TENM3: variants seen among roughly 807,000 people sequenced by gnomAD.
TENM3 encodes the protein teneurin transmembrane protein 3.
Under a neutral mutation model 255.1 loss-of-function variants are expected in TENM3, and 63 were observed. That is an observed-to-expected ratio of 0.25 (90% CI 0.20 to 0.30). The LOEUF (loss-of-function observed/expected upper bound fraction) is 0.30, where lower values mean the gene tolerates loss of function less well. TENM3 is among the 10% of genes least tolerant of loss of function. TENM3 has a pLI of 1.00. For synonymous variants in TENM3, 1,306 were observed against 1,322.3 expected (o/e 0.99, Z 0.27); for missense variants, 2,929 against 3,461.1 (o/e 0.85, Z 3.86).
chr4:182,244,179 T>A (rs1757495554), intron 1 of TENM3, among the ~76,000 whole-genome samples: 1 of 151,798 alleles, frequency 6.6e-6, no homozygotes, highest in Admixed American at 6.6e-5. Flanking sequence ...GGTCTCGATC[T>A]CCTGACCTCG....
chr4:182,179,371 A>C (rs567772038), intron 1 of TENM3, among the ~76,000 whole-genome samples: 1 of 152,318 alleles, frequency 6.6e-6, no homozygotes, highest in African/African-American at 2.4e-5. Context: ...TCAGCAGTGC[A>C]TGGTCTTGTT....
chr4:181,460,328 C>T, the TENM3 span, among the ~76,000 whole-genome samples: 421 of 151,916 alleles, frequency 2.8e-3, 2 homozygotes, highest in African/African-American at 9.2e-3. Context: ...AGAAAATAGA[C>T]GACCTGCCTT....
At position 182,566,442 on chromosome 4, in the gene TENM3, G is replaced by GACTAA. The variant is rs527494193; in HGVS notation, c.512-34479_512-34475dup. ...AACCTGGCATAACCCACAGCCTAGGGACTAAACAAAACTAAACTAATGCCT... is the reference window on the plus strand; with the variant it reads ...AACCTGGCATAACCCACAGCCTAGGGACTAAACTAAACAAAACTAAACTAATGCCT... On this transcript the variant is annotated intron_variant, in intron 3 of 27. Transcript: ENST00000511685. 5.3e-5 allele frequency among the ~76,000 whole-genome samples: 8 copies of GACTAA among 152,256 alleles called. No homozygotes were observed. The South Asian group carries it at 1.5e-3, about 28-fold the overall frequency.
chr4:182,669,977 A>T (rs1755062738), intron 6 of TENM3, among the ~76,000 whole-genome samples: 1 of 152,174 alleles, frequency 6.6e-6, no homozygotes, highest in African/African-American at 2.4e-5. Flanking sequence ...CTTCTCAGTA[A>T]AAGCTCCTTC....
chr4:182,170,062 T>C (rs1751996718), intron 1 of TENM3, among the ~76,000 whole-genome samples: 2 of 151,026 alleles, frequency 1.3e-5, no homozygotes, highest in Non-Finnish European at 2.9e-5. Context: ...GCAACTGATT[T>C]TGCCATTTGA....
chr4:181,531,496 T>A, the TENM3 span, among the ~76,000 whole-genome samples: 5 of 152,302 alleles, frequency 3.3e-5, no homozygotes, highest in East Asian at 9.7e-4. Context: ...TAAGGCTCCA[T>A]GACATTATAT....
the TENM3 span, among the ~76,000 whole-genome samples, chr4:182,041,409 A>C: frequency 6.6e-6 from 1 of 152,164 alleles, no homozygotes. Flanking sequence ...ATTCATTTTA[A>C]ACTACTGGAA....
At chr4:182,729,555 T>G (rs1160257908) in intron 14 of TENM3, among the ~76,000 whole-genome samples, 1 of 152,036 alleles carries the variant, frequency 6.6e-6, no homozygotes, top group Non-Finnish European at 1.5e-5. Flanking sequence ...AAATTATGAA[T>G]GAATGTAATG....
chr4:181,605,448 AAGAAAG>A, the TENM3 span, among the ~76,000 whole-genome samples: 4 of 96,906 alleles, frequency 4.1e-5, no homozygotes, highest in East Asian at 2.9e-4. Flanking sequence ...CATCAAAAGA[AAGAAAG>A]AGAGAGAGAG....
the TENM3 span, among the ~76,000 whole-genome samples, chr4:181,981,993 A>G: frequency 2.6e-5 from 4 of 152,132 alleles, no homozygotes; most frequent in African/African-American, 9.7e-5. Context: ...TGGGAAGTGA[A>G]TGTTTGCCTG....
chr4:182,267,704 C>T (rs900294527), intron 1 of TENM3, among the ~76,000 whole-genome samples: 3 of 137,266 alleles, frequency 2.2e-5, no homozygotes, highest in African/African-American at 8.6e-5. Flanking sequence ...AAAGTTCCAT[C>T]AAAGCCAATT....
chr4:181,670,248 T>C, the TENM3 span, among the ~76,000 whole-genome samples: 2 of 152,178 alleles, frequency 1.3e-5, no homozygotes, highest in Non-Finnish European at 2.9e-5. Flanking sequence ...TAGATATGAA[T>C]TTGAAAAATG....
At chr4:181,952,848 G>C in the TENM3 span, among the ~76,000 whole-genome samples, 1 of 152,204 alleles carries the variant, frequency 6.6e-6, no homozygotes, top group African/African-American at 2.4e-5. Context: ...AGCTGTCACT[G>C]TTTTACATTC....
At chr4:182,714,591 A>C (rs1172884954) in intron 13 of TENM3, among the ~76,000 whole-genome samples, 5 of 152,304 alleles carry the variant, frequency 3.3e-5, no homozygotes, top group African/African-American at 1.2e-4. Context: ...CTGACATTCC[A>C]AAAGATGCAA....
intron 19 of TENM3, among the ~76,000 whole-genome samples, chr4:182,751,274 T>C (rs1293043220): frequency 6.6e-6 from 1 of 151,946 alleles, no homozygotes; most frequent in Non-Finnish European, 1.5e-5. Context: ...TGGATTATGA[T>C]AGAGCAACCA....
At chr4:182,433,620 G>A (rs1023123802) in intron 3 of TENM3, among the ~76,000 whole-genome samples, 6 of 152,148 alleles carry the variant, frequency 3.9e-5, no homozygotes, top group African/African-American at 1.4e-4. Flanking sequence ...AACTCGAGTG[G>A]TCTCCTGAAA....
chr4:181,915,970 T>C, the TENM3 span, among the ~76,000 whole-genome samples: 5 of 152,308 alleles, frequency 3.3e-5, no homozygotes, highest in South Asian at 8.3e-4. Context: ...AAGTTTATTA[T>C]TCAAGTAAAA....
the TENM3 span, among the ~76,000 whole-genome samples, chr4:181,843,554 A>C: frequency 6.6e-6 from 1 of 152,120 alleles, no homozygotes; most frequent in Admixed American, 6.5e-5. Context: ...CTTTTTATGA[A>C]ATTTACAGAA....
intron 1 of TENM3, among the ~76,000 whole-genome samples, chr4:182,171,709 G>A (rs190744549): frequency 5.3e-5 from 8 of 152,212 alleles, no homozygotes; most frequent in Admixed American, 3.9e-4. Context: ...CTCATCATTC[G>A]AGTGCTTGAT....
Sources: allele counts gnomAD v4.1 joint callset (sites outside exome capture counted in the v4.1 genomes callset), GRCh38; gene constraint gnomAD v4.1.1; transcripts MANE v1.5; gene names NCBI Gene and HGNC (gene_info 2026-07-23, HGNC 2026-07-21).